The following PRUNE2 variants were observed in gnomAD, a reference collection of about 807,000 sequenced individuals.
PRUNE2 encodes the protein prune homolog 2 with BCH domain, also known as protein prune homolog 2.
PRUNE2 carries 164 observed loss-of-function variants against 252.0 expected under a neutral mutation model. That is an observed-to-expected ratio of 0.65 (90% CI 0.57 to 0.74). The LOEUF is 0.74. PRUNE2 is among the 30% of genes least tolerant of loss of function. The pLI is 0.00. For synonymous variants in PRUNE2, 1,292 were observed against 1,350.2 expected (o/e 0.96, Z 0.94); for missense variants, 3,495 against 3,711.0 (o/e 0.94, Z 1.51).
intron 1 of PRUNE2, among the ~76,000 whole-genome samples, chr9:76,865,518 G>A (rs951543147): frequency 6.6e-6 from 1 of 152,144 alleles, no homozygotes; most frequent in Admixed American, 6.5e-5. Context: ...GAGATCCTCA[G>A]GCCTTTGTGT....
chr9:76,630,701 T>A (rs190927718), intron 15 of PRUNE2, among the ~76,000 whole-genome samples: 1 of 152,176 alleles, frequency 6.6e-6, no homozygotes, highest in African/African-American at 2.4e-5. Context: ...ATTTTTTGTA[T>A]TTTTTTAGTA....
At chr9:76,825,354 C>G (rs1021047365) in intron 5 of PRUNE2, among the ~76,000 whole-genome samples, 6 of 152,188 alleles carry the variant, frequency 3.9e-5, no homozygotes, top group African/African-American at 1.4e-4. Context: ...ACCACTGCAT[C>G]CCTCAGGTGG....
chr9:76,841,041 C>T (rs960054925), intron 4 of PRUNE2, among the ~76,000 whole-genome samples: 8 of 152,042 alleles, frequency 5.3e-5, no homozygotes, highest in African/African-American at 1.7e-4. Flanking sequence ...GGAACAGCTC[C>T]GGTCTGCAGC....
At chr9:76,629,145 A>T in intron 16 of PRUNE2, 47 bp downstream of exon 16, 1 of 1,228,976 alleles carries the variant, frequency 8.1e-7, no homozygotes, top group Non-Finnish European at 1.2e-6. Context: ...ACCCAGCCTC[A>T]AACTAGTACT....
In PRUNE2 at chr9:76,661,872, A is replaced by G. The variant is rs144024895; in HGVS notation, c.8277-6370T>C. Among the ~76,000 whole-genome samples the G allele has an allele frequency of 2.0e-4, 30 of 151,400 alleles. 1 individual carries two copies. In the East Asian group the frequency reaches 5.8e-3, roughly 29 times the overall value. On this transcript the variant is annotated intron_variant, in intron 9 of 18. Transcript: ENST00000376718. The stretch of plus-strand genomic sequence containing the variant: ...GGAGAGATCTGCAGTCAATAAAAAC[A>G]CAGTTTTTTTTTTTTGAACTCACCA...
chr9:76,631,866 A>G (rs577733265), intron 15 of PRUNE2, among the ~76,000 whole-genome samples: 2 of 152,290 alleles, frequency 1.3e-5, no homozygotes, highest in South Asian at 2.1e-4. Flanking sequence ...AGTATACTCA[A>G]TGTTCAGCTC....
chr9:76,724,918 C>T (rs1358037720), intron 6 of PRUNE2, among the ~76,000 whole-genome samples: 1 of 152,090 alleles, frequency 6.6e-6, no homozygotes, highest in African/African-American at 2.4e-5. Context: ...TCAGGACACA[C>T]ATGTAATGAA....
At chr9:76,778,170 G>A (rs11145055) in intron 6 of PRUNE2, among the ~76,000 whole-genome samples, 2,112 of 152,294 alleles carry the variant, frequency 0.014, 27 homozygotes, top group Non-Finnish European at 0.019. Context: ...AGAATCTGAT[G>A]TTTGCAAGTT....
At chr9:76,851,286 G>A (rs1358716853) in intron 2 of PRUNE2, among the ~76,000 whole-genome samples, 1 of 152,134 alleles carries the variant, frequency 6.6e-6, no homozygotes, top group Non-Finnish European at 1.5e-5. Flanking sequence ...GATGGTTCAT[G>A]CCCGTAATCC....
intron 6 of PRUNE2, chr9:76,733,457 GAA>G (rs1408376926): frequency 6.6e-6 from 1 of 152,182 alleles, no homozygotes; most frequent in Non-Finnish European, 1.5e-5. Context: ...TACCCAGGCT[GAA>G]GTGCAGTTGC....
At chr9:76,747,075 T>C (rs543691474) in intron 6 of PRUNE2, among the ~76,000 whole-genome samples, 242 of 152,290 alleles carry the variant, frequency 1.6e-3, no homozygotes, top group African/African-American at 4.5e-3. Context: ...CTTGTAGGAC[T>C]GTGTCCTTAA....
chr9:76,656,036 G>C (rs1849082006), intron 9 of PRUNE2, among the ~76,000 whole-genome samples: 1 of 152,174 alleles, frequency 6.6e-6, no homozygotes, highest in Admixed American at 6.5e-5. Flanking sequence ...AGCAGGCATA[G>C]ACTGATGTTA....
chr9:76,674,321 T>G (rs901433644), intron 9 of PRUNE2, among the ~76,000 whole-genome samples: 14 of 152,154 alleles, frequency 9.2e-5, no homozygotes, highest in African/African-American at 2.2e-4. Context: ...TCAAAGAGAA[T>G]AAAATACCTA....
At chr9:76,856,015 C>T (rs1429566469) in intron 1 of PRUNE2, among the ~76,000 whole-genome samples, 1 of 152,212 alleles carries the variant, frequency 6.6e-6, no homozygotes, top group African/African-American at 2.4e-5. Flanking sequence ...ACAACACAAA[C>T]AAACACATTA....
At chr9:76,775,319 C>T (rs1483254461) in intron 6 of PRUNE2, among the ~76,000 whole-genome samples, 5 of 151,634 alleles carry the variant, frequency 3.3e-5, no homozygotes, top group African/African-American at 1.2e-4. Flanking sequence ...TTTTTTGAGA[C>T]AAGGTCTCAC....
Position 76,850,550 on chromosome 9 carries a change from T to C in PRUNE2, c.257A>G (p.His86Arg), listed in dbSNP as rs1276389454. 6.2e-7 allele frequency: 1 copy of C among 1,613,560 alleles called. No individual in the cohort carries two copies. The highest frequency in any genetic ancestry group is 2.2e-5 in the East Asian group (1 of 44,896). ...CAGGTTAATTTCATCCCGGAATATG[T>C]GGAATGATTCGGAAATATTTAGCTC... ...LEELNISESF[H>R]IFRDEINLHQ... The change falls in exon 3 of 19, where the codon CAC (histidine) becomes CGC (arginine). Residue 86 changes from histidine (H) to arginine (R), a missense_variant. Coordinates refer to ENST00000376718, the MANE Select transcript of PRUNE2 (RefSeq NM_015225.3).
Position 76,628,357 on chromosome 9 carries a change from G to A in PRUNE2, c.9149+835C>T, listed in dbSNP as rs1358454688. ...TACTGCGTTACCCTCTATTGAGCAA[G>A]GAAACCATTCCTCACCACCTCACCC... On this transcript the variant is annotated intron_variant, in intron 16 of 18. Coordinates refer to ENST00000376718, the MANE Select transcript of PRUNE2 (RefSeq NM_015225.3). Among the ~76,000 whole-genome samples, 6 of 152,108 alleles carry A rather than the reference G, an allele frequency of 3.9e-5. No individual in the cohort carries two copies. The East Asian group carries it at 1.2e-3, about 29-fold the overall frequency.
chr9:76,655,416 C>T lies in PRUNE2; in HGVS notation c.8356+7G>A. ...CAACGAAGGAAATGAACAAATGCTG[C>T]TCTCACCAGGCCTCATGTCTGCAGC... On this transcript the variant is annotated splice_region_variant and intron_variant, in intron 10 of 18. Transcript: ENST00000376718. 1 of 1,603,228 alleles carries T rather than the reference C, an allele frequency of 6.2e-7. No individual in the cohort carries two copies. Among genetic ancestry groups the T allele is most frequent in the Non-Finnish European group, 8.5e-7 (1 of 1,171,822 alleles).
chr9:76,830,797 G>C lies in PRUNE2; in HGVS notation c.509-4065C>G, dbSNP rs183949172. The stretch of plus-strand genomic sequence containing the variant: ...GAAAAAATAAAAATTAAACCAATCA[G>C]AGTAAAAAGGGCATTAAAAGTATGA... On this transcript the variant is annotated intron_variant, in intron 4 of 18. Transcript: ENST00000376718. 8.1e-4 allele frequency among the ~76,000 whole-genome samples: 123 copies of C among 151,970 alleles called. 1 individual carries two copies. Among genetic ancestry groups the C allele is most frequent in the South Asian group, 2.1e-3 (10 of 4,816 alleles).
Sources: gnomAD v4.1 joint callset for allele counts (sites outside exome capture counted in the v4.1 genomes callset) on GRCh38, gnomAD v4.1.1 for gene constraint, MANE v1.5 for transcripts, NCBI Gene and HGNC (gene_info 2026-07-23, HGNC 2026-07-21) for gene names.